The following ZNF280D variants were observed in gnomAD, a reference collection of about 807,000 sequenced individuals.
ZNF280D encodes suppressor of hairy wing homolog 4.
Under a neutral mutation model 94.7 loss-of-function variants are expected in ZNF280D, and 39 were observed. That is an observed-to-expected ratio of 0.41 (90% CI 0.32 to 0.54). ZNF280D has a LOEUF of 0.54. Among genes scored for constraint, ZNF280D ranks in the 20% least tolerant of loss-of-function variants. ZNF280D has a pLI of 0.22. For synonymous variants in ZNF280D, 398 were observed against 377.6 expected (o/e 1.05, Z -0.63); for missense variants, 1,090 against 1,149.3 (o/e 0.95, Z 0.75).
chr15:56,664,476 G>A (rs2054159266), intron 16 of ZNF280D, among the ~76,000 whole-genome samples: 3 of 152,128 alleles, frequency 2.0e-5, no homozygotes, highest in South Asian at 4.1e-4. Context: ...ACAGTTAATG[G>A]GGAAGTGAGA....
chr15:56,716,510 A>G (rs1395086187), intron 1 of ZNF280D, among the ~76,000 whole-genome samples: 3 of 151,716 alleles, frequency 2.0e-5, no homozygotes, highest in Admixed American at 6.6e-5. Context: ...GTGACTGAAA[A>G]AAAAAAAAAA....
chr15:56,643,062 T>C (rs1468836120), intron 19 of ZNF280D, 65 bp from the exon 20 acceptor site: 2 of 1,051,224 alleles, frequency 1.9e-6, no homozygotes, highest in African/African-American at 3.3e-5. Flanking sequence ...ATGAAACAGT[T>C]CTTTCTCTGC....
At chr15:56,667,724 A>G (rs751583295) in intron 14 of ZNF280D, among the ~76,000 whole-genome samples, 7 of 152,152 alleles carry the variant, frequency 4.6e-5, no homozygotes, top group Non-Finnish European at 1.0e-4. Context: ...CTTGGGTAAC[A>G]TACAATGGCA....
intron 1 of ZNF280D, among the ~76,000 whole-genome samples, chr15:56,708,372 C>A (rs1478722923): frequency 6.6e-6 from 1 of 152,170 alleles, no homozygotes; most frequent in African/African-American, 2.4e-5. Flanking sequence ...TTTTGAATAG[C>A]TGTAGCTTGT....
At chr15:56,652,101 G>A (rs772684871) in intron 19 of ZNF280D, among the ~76,000 whole-genome samples, 13 of 150,324 alleles carry the variant, frequency 8.6e-5, no homozygotes, top group African/African-American at 1.5e-4. Context: ...AACTACTTGC[G>A]GAGATTTTGG....
intron 7 of ZNF280D, among the ~76,000 whole-genome samples, chr15:56,689,721 C>T (rs1017817071): frequency 6.6e-6 from 1 of 150,442 alleles, no homozygotes; most frequent in African/African-American, 2.4e-5. Context: ...AATATGGCTT[C>T]AAATAAAGAA....
At position 56,701,214 on chromosome 15, in the gene ZNF280D, C is replaced by T. The variant is rs764060211; in HGVS notation, c.200G>A (p.Ser67Asn). The change falls in exon 5 of 22, where the codon AGC becomes AAC. Residue 67 changes from serine (S) to asparagine (N), a missense_variant. This residue lies in a region of ZNF280D where 386 missense variants were observed against 372.0 expected (regional missense o/e 1.04). Transcript: ENST00000267807. ...ISNILNRVNP[S>N]SYSRGLKNGA... ...ATTCTTTAGTCCCCTTGAATATGAG[C>T]TGGGGTTAACTCTGTTCAAAATATC... is the stretch of plus-strand genomic sequence containing the variant. 6.3e-7 allele frequency: 1 copy of T among 1,579,694 alleles called. No individual in the cohort carries two copies. The highest frequency in any genetic ancestry group is 8.6e-7 in the Non-Finnish European group (1 of 1,160,998).
intron 3 of ZNF280D, among the ~76,000 whole-genome samples, chr15:56,706,505 C>A (rs538382): frequency 0.49 from 74,333 of 151,472 alleles, 19,655 homozygotes; most frequent in East Asian, 0.6. Flanking sequence ...AAACAAAAAA[C>A]GAGAAGATGG....
chr15:56,669,160 A>G (rs148691396), intron 13 of ZNF280D, among the ~76,000 whole-genome samples: 184 of 152,176 alleles, frequency 1.2e-3, no homozygotes, highest in Non-Finnish European at 2.3e-3. Context: ...GTTCGCTACT[A>G]TGTAAGAACT....
chr15:56,705,072 G>A (rs2141231291), intron 3 of ZNF280D, among the ~76,000 whole-genome samples: 1 of 152,020 alleles, frequency 6.6e-6, no homozygotes. Flanking sequence ...TCAATTAAAG[G>A]CAAAGTAGAT....
chr15:56,644,715 G>A (rs1479578352), intron 19 of ZNF280D, among the ~76,000 whole-genome samples: 3 of 152,062 alleles, frequency 2.0e-5, no homozygotes, highest in Non-Finnish European at 2.9e-5. Flanking sequence ...ATTAAAATGA[G>A]CCCCGTTAAG....
At position 56,654,381 on chromosome 15, in the gene ZNF280D, G is replaced by A. The variant is rs573812472; in HGVS notation, c.2176+4C>T. On this transcript the variant is annotated splice_donor_region_variant and intron_variant, in intron 18 of 21. Coordinates refer to ENST00000267807, the MANE Select transcript of ZNF280D (RefSeq NM_017661.4). The stretch of plus-strand genomic sequence containing the variant: ...TCTAAAGTAGCACAGTTACATATAC[G>A]TACCTTTCTGCATTACAACTTGGCA... 120 of 1,603,542 alleles carry A rather than the reference G, an allele frequency of 7.5e-5. No individual in the cohort carries two copies. The highest frequency in any genetic ancestry group is 9.9e-5 in the Non-Finnish European group (116 of 1,177,258).
intron 1 of ZNF280D, among the ~76,000 whole-genome samples, chr15:56,725,429 A>G (rs1003303994): frequency 2.0e-5 from 3 of 152,176 alleles, no homozygotes; most frequent in African/African-American, 7.2e-5. Flanking sequence ...TTTTTACAAA[A>G]AAAGTGTATT....
At chr15:56,655,380 G>C (rs182185485) in intron 17 of ZNF280D, among the ~76,000 whole-genome samples, 7 of 152,260 alleles carry the variant, frequency 4.6e-5, no homozygotes, top group Admixed American at 3.3e-4. Flanking sequence ...GCTAATTTTT[G>C]TATTTTTACT....
intron 20 of ZNF280D, among the ~76,000 whole-genome samples, chr15:56,637,809 A>G (rs1420773513): frequency 1.3e-5 from 2 of 151,996 alleles, no homozygotes; most frequent in Non-Finnish European, 2.9e-5. Context: ...ACCACCATAC[A>G]CATTGTATTC....
intron 9 of ZNF280D, among the ~76,000 whole-genome samples, chr15:56,683,217 T>C (rs2055756291): frequency 1.3e-5 from 2 of 152,158 alleles, no homozygotes; most frequent in Non-Finnish European, 1.5e-5. Context: ...AAGAGCTGAA[T>C]AATAAACCAT....
chr15:56,675,463 AAAAC>A (rs1414250997), intron 13 of ZNF280D, among the ~76,000 whole-genome samples: 12 of 152,028 alleles, frequency 7.9e-5, no homozygotes, highest in African/African-American at 2.4e-4. Context: ...TATGTTCAAC[AAAAC>A]AAACAGTGAT....
At chr15:56,702,674 A>G (rs2057153953) in intron 4 of ZNF280D, among the ~76,000 whole-genome samples, 1 of 152,160 alleles carries the variant, frequency 6.6e-6, no homozygotes, top group South Asian at 2.1e-4. Context: ...ATCACCGACG[A>G]TGCCATCATG....
At chr15:56,693,029 A>G in intron 7 of ZNF280D, 69 bp downstream of exon 7, 3 of 896,830 alleles carry the variant, frequency 3.3e-6, no homozygotes, top group Non-Finnish European at 5.3e-6. Context: ...CAAAACAGAA[A>G]GTCAATCTCA....
Sources: gnomAD v4.1 joint callset for allele counts (sites outside exome capture counted in the v4.1 genomes callset) on GRCh38, gnomAD v4.1.1 for gene constraint, gnomAD v4.1.1 regional missense constraint, MANE v1.5 for transcripts, NCBI Gene and HGNC (gene_info 2026-07-23, HGNC 2026-07-21) for gene names.